KCNMB2: variants seen among roughly 807,000 people sequenced by gnomAD.
The protein encoded by KCNMB2 is calcium-activated potassium channel subunit beta-2.
In KCNMB2, 9 loss-of-function variants were observed where a neutral mutation model predicts 24.5. The observed-to-expected ratio is 0.37, with a 90% CI of 0.22 to 0.64. KCNMB2 has a LOEUF of 0.64. KCNMB2 is among the 30% of genes least tolerant of loss of function. The probability of loss-of-function intolerance (pLI) is 0.63; values close to 1 mark genes in which losing one functional copy is unlikely to be tolerated. For missense variants in KCNMB2, 226 were observed against 284.3 expected, an observed-to-expected ratio of 0.79 and a Z score of 1.47; for synonymous variants, 109 against 104.4, an observed-to-expected ratio of 1.04 and a Z score of -0.27.
At chr3:178,665,049 C>CTTTATTACTTTCATGATGTCCA (rs1467272723) in intron 1 of KCNMB2, among the ~76,000 whole-genome samples, 1 of 152,090 alleles carries the variant, frequency 6.6e-6, no homozygotes, top group Non-Finnish European at 1.5e-5. Flanking sequence ...CTTGATGCCA[C>CTTTATTACTTTCATGATGTCCA]TGAAAGTAAA....
At chr3:178,617,483 G>A (rs111850052) in intron 1 of KCNMB2, among the ~76,000 whole-genome samples, 135 of 150,422 alleles carry the variant, frequency 9.0e-4, no homozygotes, top group African/African-American at 3.0e-3. Context: ...GCTTGAACCC[G>A]GGAGGTGGAG....
intron 1 of KCNMB2, among the ~76,000 whole-genome samples, chr3:178,776,019 G>A (rs1414431911): frequency 2.0e-5 from 3 of 151,912 alleles, no homozygotes; most frequent in African/African-American, 7.3e-5. Flanking sequence ...TTAACACTCC[G>A]AAGTCTGTAT....
chr3:178,546,102 A>C (rs1715763858), intron 1 of KCNMB2, among the ~76,000 whole-genome samples: 1 of 152,228 alleles, frequency 6.6e-6, no homozygotes, highest in South Asian at 2.1e-4. Flanking sequence ...CAGAGAAATA[A>C]AGTTTATGTA....
chr3:178,641,993 C>A (rs1719746322), intron 1 of KCNMB2, among the ~76,000 whole-genome samples: 1 of 152,120 alleles, frequency 6.6e-6, no homozygotes, highest in Non-Finnish European at 1.5e-5. Context: ...ATTAAGCCAT[C>A]TGGAGATTTT....
chr3:178,729,213 G>A (rs1276632340), intron 1 of KCNMB2: 1 of 152,140 alleles, frequency 6.6e-6, no homozygotes, highest in South Asian at 2.1e-4. Flanking sequence ...TATCAAAAAC[G>A]GACTCAATTT....
intron 1 of KCNMB2, among the ~76,000 whole-genome samples, chr3:178,629,159 C>T (rs1719223897): frequency 6.6e-6 from 1 of 152,188 alleles, no homozygotes; most frequent in South Asian, 2.1e-4. Context: ...TATTCTTTCA[C>T]TCCTTCCTGC....
chr3:178,681,827 A>G (rs1721281229), intron 1 of KCNMB2, among the ~76,000 whole-genome samples: 1 of 152,154 alleles, frequency 6.6e-6, no homozygotes, highest in African/African-American at 2.4e-5. Context: ...TATCTTGCAT[A>G]CAGTGGGAGT....
At chr3:178,588,699 A>C (rs1717551282) in intron 1 of KCNMB2, among the ~76,000 whole-genome samples, 2 of 152,178 alleles carry the variant, frequency 1.3e-5, no homozygotes. Flanking sequence ...ATATACGTGT[A>C]TTCCTGACAG....
At chr3:178,760,472 T>C (rs545593337) in intron 1 of KCNMB2, among the ~76,000 whole-genome samples, 45 of 140,294 alleles carry the variant, frequency 3.2e-4, no homozygotes, top group Admixed American at 8.3e-4. Context: ...CCAAGATATA[T>C]ATATATTATA....
chr3:178,710,209 T>C (rs1225732977), intron 1 of KCNMB2, among the ~76,000 whole-genome samples: 1 of 152,110 alleles, frequency 6.6e-6, no homozygotes, highest in Admixed American at 6.5e-5. Flanking sequence ...AGGCATGAAC[T>C]AAATGGCACC....
chr3:178,617,504 G>T (rs1306793661), intron 1 of KCNMB2, among the ~76,000 whole-genome samples: 1 of 151,680 alleles, frequency 6.6e-6, no homozygotes, highest in Admixed American at 6.6e-5. Flanking sequence ...GTTGCAGATT[G>T]GGCGGCAGAG....
chr3:178,738,464 C>T (rs1262573897), intron 1 of KCNMB2, among the ~76,000 whole-genome samples: 3 of 152,224 alleles, frequency 2.0e-5, no homozygotes, highest in Non-Finnish European at 4.4e-5. Flanking sequence ...CTCAGCATGG[C>T]TCCAAAGTCT....
In KCNMB2 at chr3:178,842,821, C is replaced by T; in HGVS notation, c.592C>T (p.His198Tyr). The change falls in exon 5 of 5, where the codon CAT becomes TAT. Residue 198 changes from histidine (H) to tyrosine (Y), a missense_variant. His to Tyr is a moderately conservative substitution (Grantham distance 83). Coordinates refer to ENST00000452583, the MANE Select transcript of KCNMB2 (RefSeq NM_181361.3). The part of the protein sequence containing the change: ...TKLYSSNVLF[H>Y]SLFWPTCMMA... ...ACTCTACAGTTCCAACGTGCTGTTC[C>T]ATTCACTCTTCTGGCCAACCTGTAT... 1.9e-6 allele frequency: 3 copies of T among 1,614,012 alleles called. No homozygotes were observed. The highest frequency in any genetic ancestry group is 2.5e-6 in the Non-Finnish European group (3 of 1,179,910).
intron 4 of KCNMB2, among the ~76,000 whole-genome samples, chr3:178,834,631 C>A (rs1236421644): frequency 6.6e-6 from 1 of 152,000 alleles, no homozygotes; most frequent in Non-Finnish European, 1.5e-5. Flanking sequence ...TAGAAGCTTA[C>A]CCTGAAAGGG....
intron 1 of KCNMB2, among the ~76,000 whole-genome samples, chr3:178,545,360 C>T (rs192022008): frequency 2.6e-5 from 4 of 152,236 alleles, no homozygotes; most frequent in East Asian, 1.9e-4. Flanking sequence ...TTTTGTAAGA[C>T]GTTTGAAGTC....
intron 1 of KCNMB2, among the ~76,000 whole-genome samples, chr3:178,601,203 G>T (rs572889514): frequency 2.0e-5 from 3 of 151,820 alleles, no homozygotes; most frequent in Non-Finnish European, 4.4e-5. Flanking sequence ...AGGGGGTTGG[G>T]GGGGAAGGGG....
chr3:178,720,237 T>C (rs986783449), intron 1 of KCNMB2, among the ~76,000 whole-genome samples: 3 of 151,920 alleles, frequency 2.0e-5, no homozygotes, highest in Non-Finnish European at 2.9e-5. Flanking sequence ...AGTGTTTGGT[T>C]TTTTGTCCTT....
intron 1 of KCNMB2, among the ~76,000 whole-genome samples, chr3:178,631,425 T>G (rs548405188): frequency 6.6e-6 from 1 of 152,172 alleles, no homozygotes; most frequent in Non-Finnish European, 1.5e-5. Context: ...TAAAAGGACA[T>G]GAATGCATTT....
intron 1 of KCNMB2, among the ~76,000 whole-genome samples, chr3:178,783,132 T>A (rs2108433614): frequency 6.6e-6 from 1 of 152,212 alleles, no homozygotes; most frequent in African/African-American, 2.4e-5. Context: ...GAGGGCTCTG[T>A]TCTGTTCCAC....
Sources: gnomAD v4.1 joint callset for allele counts (sites outside exome capture counted in the v4.1 genomes callset) on GRCh38, gnomAD v4.1.1 for gene constraint, MANE v1.5 for transcripts, NCBI Gene and HGNC (gene_info 2026-07-23, HGNC 2026-07-21) for gene names.